The following AGTPBP1 variants were observed in gnomAD, a reference collection of about 807,000 sequenced individuals.
The protein encoded by AGTPBP1 is ATP/GTP binding carboxypeptidase 1.
In AGTPBP1, 70 loss-of-function variants were observed where a neutral mutation model predicts 143.9. The ratio of observed to expected loss-of-function variants is 0.49; its 90% CI spans 0.40 to 0.59. The LOEUF is 0.59. Among genes scored for constraint, AGTPBP1 ranks in the 20% least tolerant of loss-of-function variants. AGTPBP1 has a pLI of 0.00. For synonymous variants in AGTPBP1, 463 were observed against 500.2 expected (o/e 0.93, Z 0.99); for missense variants, 1,229 against 1,464.5 (o/e 0.84, Z 2.62).
At chr9:85,640,667 G>A (rs1832403672) in intron 13 of AGTPBP1, among the ~76,000 whole-genome samples, 1 of 152,144 alleles carries the variant, frequency 6.6e-6, no homozygotes, top group South Asian at 2.1e-4. Context: ...AAATCATCAA[G>A]GTTAGCCTAT....
At chr9:85,777,198 A>C in the AGTPBP1 span, among the ~76,000 whole-genome samples, 2 of 152,222 alleles carry the variant, frequency 1.3e-5, no homozygotes, top group African/African-American at 2.4e-5. Flanking sequence ...CATGACAGTG[A>C]ATAAGGCATT....
intron 3 of AGTPBP1, among the ~76,000 whole-genome samples, chr9:85,691,539 GTGTGTGT>G (rs1564149904): frequency 4.5e-4 from 66 of 146,544 alleles, no homozygotes; most frequent in African/African-American, 1.5e-3. Context: ...AAAAGAGGGT[GTGTGTGT>G]GTGTGTGTGT....
the AGTPBP1 span, among the ~76,000 whole-genome samples, chr9:85,759,771 C>T: frequency 7.9e-5 from 12 of 152,100 alleles, no homozygotes; most frequent in Admixed American, 5.2e-4. Context: ...TAACTAAGAT[C>T]AGAGCAGAAC....
At chr9:85,629,131 A>G (rs145423560) in intron 14 of AGTPBP1, among the ~76,000 whole-genome samples, 2 of 152,322 alleles carry the variant, frequency 1.3e-5, no homozygotes, top group Non-Finnish European at 2.9e-5. Flanking sequence ...ACCAACTCTC[A>G]TCCACCTTTT....
chr9:85,586,197 C>T lies in AGTPBP1; in HGVS notation c.3034-603G>A, dbSNP rs370178899. Reference sequence around the variant, plus strand: ...TCCAGCCTGGGCAACAAGAGCAAAACTCCATCTCGAAAAAAAAAAAAAAAT... The same window carrying T: ...TCCAGCCTGGGCAACAAGAGCAAAATTCCATCTCGAAAAAAAAAAAAAAAT... On this transcript the variant is annotated intron_variant, in intron 22 of 25. Transcript: ENST00000357081. Among the ~76,000 whole-genome samples, 25 of 148,408 alleles carry T rather than the reference C, an allele frequency of 1.7e-4. 1 individual carries two copies. The East Asian group carries it at 4.1e-3, about 24-fold the overall frequency.
chr9:85,594,280 A>G (rs961371092), intron 18 of AGTPBP1, among the ~76,000 whole-genome samples: 1 of 152,224 alleles, frequency 6.6e-6, no homozygotes, highest in Non-Finnish European at 1.5e-5. Context: ...CTTAGCTGAC[A>G]TGAAAAGTTA....
chr9:85,633,035 G>A lies in AGTPBP1; in HGVS notation c.1642C>T (p.Pro548Ser), dbSNP rs757680750. The change falls in exon 14 of 26, where the codon CCA becomes TCA. Residue 548 changes from proline to serine, a missense_variant. This residue lies in a region of AGTPBP1 where 743 missense variants were observed against 812.2 expected (regional missense o/e 0.91). Coordinates refer to ENST00000357081, the MANE Select transcript of AGTPBP1 (RefSeq NM_001330701.2). ...TTCTTCATTTCTGCAGTAAAACCTG[G>A]GGCTGTTTGAGAAGGAATATTCTGC... ...TLQNIPSQTA[P>S]GFTAEMKKDC... 2.5e-6 allele frequency: 4 copies of A among 1,614,068 alleles called. No individual in the cohort carries two copies. The highest frequency in any genetic ancestry group is 1.7e-5 in the Admixed American group (1 of 59,996).
the AGTPBP1 span, among the ~76,000 whole-genome samples, chr9:85,785,136 C>T: frequency 1.3e-5 from 2 of 152,120 alleles, no homozygotes; most frequent in African/African-American, 4.8e-5. Context: ...AGATCGAGAC[C>T]ATCCTGGCTA....
chr9:85,589,389 C>T, intron 20 of AGTPBP1, 139 bp downstream of exon 20: 1 of 1,105,318 alleles, frequency 9.0e-7, no homozygotes, highest in South Asian at 2.0e-5. Flanking sequence ...TCATGGCTAG[C>T]TAGATAATAG....
chr9:85,665,373 G>A (rs569482765), intron 8 of AGTPBP1, among the ~76,000 whole-genome samples: 49 of 152,296 alleles, frequency 3.2e-4, no homozygotes, highest in African/African-American at 1.2e-3. Flanking sequence ...AGCAAGGAAG[G>A]ATGCTCCCTT....
At chr9:85,677,053 A>G (rs1285103489) in intron 6 of AGTPBP1, among the ~76,000 whole-genome samples, 1 of 152,178 alleles carries the variant, frequency 6.6e-6, no homozygotes, top group Non-Finnish European at 1.5e-5. Context: ...AGAGCGGGAG[A>G]TAAGGAGGAG....
At chr9:85,731,544 C>T (rs1264840913) in intron 1 of AGTPBP1, among the ~76,000 whole-genome samples, 1 of 152,112 alleles carries the variant, frequency 6.6e-6, no homozygotes, top group African/African-American at 2.4e-5. Context: ...ACGGCAGCCT[C>T]AAACTCCTGG....
upstream of AGTPBP1, among the ~76,000 whole-genome samples, chr9:85,743,440 G>T (rs1409398466): frequency 6.6e-6 from 1 of 152,128 alleles, no homozygotes; most frequent in Non-Finnish European, 1.5e-5. Flanking sequence ...CCACAAGAGT[G>T]AGTGATTTAT....
intron 14 of AGTPBP1, among the ~76,000 whole-genome samples, chr9:85,623,346 T>C (rs1195688190): frequency 1.3e-5 from 2 of 152,202 alleles, no homozygotes; most frequent in Non-Finnish European, 2.9e-5. Context: ...AAATGGCCTA[T>C]ATACCTGTTT....
chr9:85,655,995 T>A (rs1833484455), intron 10 of AGTPBP1, among the ~76,000 whole-genome samples: 2 of 152,074 alleles, frequency 1.3e-5, no homozygotes, highest in Non-Finnish European at 2.9e-5. Flanking sequence ...GCCCGGCTAA[T>A]TTTTTGTATT....
the AGTPBP1 span, among the ~76,000 whole-genome samples, chr9:85,762,863 T>G: frequency 2.7e-5 from 4 of 149,106 alleles, no homozygotes; most frequent in African/African-American, 9.7e-5. Context: ...ATATAAAGTT[T>G]ATACATATAT....
chr9:85,654,565 G>T (rs62569176), intron 11 of AGTPBP1, among the ~76,000 whole-genome samples: 4 of 151,958 alleles, frequency 2.6e-5, no homozygotes, highest in African/African-American at 9.7e-5. Flanking sequence ...AAGTTGGGCC[G>T]GGTGTGGTGG....
chr9:85,789,395 G>A, the AGTPBP1 span, among the ~76,000 whole-genome samples: 1 of 151,738 alleles, frequency 6.6e-6, no homozygotes, highest in African/African-American at 2.4e-5. Flanking sequence ...TCACTTTATT[G>A]CCCTTTTGCA....
intron 25 of AGTPBP1, among the ~76,000 whole-genome samples, chr9:85,569,471 G>T (rs975934918): frequency 6.6e-6 from 1 of 152,074 alleles, no homozygotes; most frequent in Non-Finnish European, 1.5e-5. Context: ...TGTATTGGGT[G>T]GGGGGAAGCA....
Sources: gnomAD v4.1 joint callset for allele counts (sites outside exome capture counted in the v4.1 genomes callset) on GRCh38, gnomAD v4.1.1 for gene constraint, gnomAD v4.1.1 regional missense constraint, MANE v1.5 for transcripts, NCBI Gene and HGNC (gene_info 2026-07-23, HGNC 2026-07-21) for gene names.